NFAT5: variants seen among roughly 807,000 people sequenced by gnomAD.
NFAT5 encodes the protein nuclear factor of activated T-cells 5.
NFAT5 carries 31 observed loss-of-function variants against 166.5 expected under a neutral mutation model. The ratio of observed to expected loss-of-function variants is 0.19; its 90% CI spans 0.14 to 0.25. NFAT5 has a LOEUF of 0.25. Among genes scored for constraint, NFAT5 ranks in the 10% least tolerant of loss-of-function variants. The probability of loss-of-function intolerance (pLI) is 1.00; values close to 1 mark genes in which losing one functional copy is unlikely to be tolerated. For missense variants in NFAT5, 1,449 were observed against 1,821.8 expected, an observed-to-expected ratio of 0.80 and a Z score of 3.72; for synonymous variants, 612 against 639.7, an observed-to-expected ratio of 0.96 and a Z score of 0.65.
At chr16:69,574,041 C>G (rs1206113967) in intron 2 of NFAT5, among the ~76,000 whole-genome samples, 1 of 151,874 alleles carries the variant, frequency 6.6e-6, no homozygotes, top group Admixed American at 6.6e-5. Flanking sequence ...CTGGCTAATA[C>G]TGTATTTTTA....
chr16:69,573,904 G>A (rs988471476), intron 2 of NFAT5, among the ~76,000 whole-genome samples: 6 of 129,154 alleles, frequency 4.6e-5, no homozygotes, highest in Admixed American at 1.8e-4. Flanking sequence ...ATAGAGTTTC[G>A]CTCTTGTTGC....
chr16:69,688,474 C>T (rs1167689036), intron 11 of NFAT5, among the ~76,000 whole-genome samples: 1 of 152,054 alleles, frequency 6.6e-6, no homozygotes, highest in Non-Finnish European at 1.5e-5. Context: ...CCTCTGCCTC[C>T]TGGGTTCCAG....
At chr16:69,649,978 G>A (rs77862198) in intron 4 of NFAT5, among the ~76,000 whole-genome samples, 2 of 151,148 alleles carry the variant, frequency 1.3e-5, no homozygotes, top group Non-Finnish European at 3.0e-5. Flanking sequence ...AAAAAAAAAA[G>A]CTTAGTATTT....
chr16:69,640,438 C>T (rs1018756515), intron 3 of NFAT5, among the ~76,000 whole-genome samples: 12 of 152,148 alleles, frequency 7.9e-5, no homozygotes, highest in Non-Finnish European at 1.2e-4. Context: ...TGAAGGTTGG[C>T]ATGTAAGGTG....
intron 3 of NFAT5, among the ~76,000 whole-genome samples, chr16:69,646,258 C>T (rs1372479336): frequency 6.6e-6 from 1 of 152,136 alleles, no homozygotes; most frequent in Non-Finnish European, 1.5e-5. Context: ...TATTTTAGAG[C>T]TTATGGTTTT....
chr16:69,628,323 AAAG>A (rs1316260293), intron 3 of NFAT5, among the ~76,000 whole-genome samples: 1 of 152,112 alleles, frequency 6.6e-6, no homozygotes, highest in Admixed American at 6.5e-5. Context: ...AATCTAATTA[AAAG>A]AAGTATTTTG....
intron 6 of NFAT5, among the ~76,000 whole-genome samples, chr16:69,658,937 A>G (rs995776357): frequency 4.6e-5 from 7 of 152,154 alleles, no homozygotes; most frequent in Admixed American, 6.5e-5. Flanking sequence ...TACTGTACCC[A>G]CTGTTTTGTA....
At chr16:69,662,850 G>A (rs986188027) in intron 7 of NFAT5, among the ~76,000 whole-genome samples, 1 of 152,044 alleles carries the variant, frequency 6.6e-6, no homozygotes, top group Non-Finnish European at 1.5e-5. Context: ...GCTTGAACTT[G>A]CGACTTTGAG....
intron 7 of NFAT5, among the ~76,000 whole-genome samples, chr16:69,667,954 G>GT (rs1173087161): frequency 2.6e-5 from 4 of 151,738 alleles, no homozygotes; most frequent in Admixed American, 1.3e-4. Flanking sequence ...CTTATTTTTT[G>GT]TTTTTTTGTT....
At chr16:69,677,035 C>A in intron 9 of NFAT5, 168 bp from the exon 10 acceptor site, 1 of 584,656 alleles carries the variant, frequency 1.7e-6, no homozygotes, top group Non-Finnish European at 2.8e-6. Context: ...ACCTTAAAAG[C>A]AGTGTTAAGA....
intron 2 of NFAT5, among the ~76,000 whole-genome samples, chr16:69,600,145 T>A (rs1221961779): frequency 7.2e-6 from 1 of 137,996 alleles, no homozygotes; most frequent in Non-Finnish European, 1.5e-5. Context: ...GATTCATTTC[T>A]CTGGGAAAAA....
At chr16:69,623,016 A>T (rs2034274349) in intron 2 of NFAT5, among the ~76,000 whole-genome samples, 3 of 152,102 alleles carry the variant, frequency 2.0e-5, no homozygotes, top group African/African-American at 7.2e-5. Context: ...ATAGTGGTGT[A>T]TGCCTATAAT....
chr16:69,619,588 C>T (rs2034111503), intron 2 of NFAT5, among the ~76,000 whole-genome samples: 1 of 152,098 alleles, frequency 6.6e-6, no homozygotes, highest in Admixed American at 6.5e-5. Context: ...TATACTGAGC[C>T]TGGCCCTGCA....
At chr16:69,663,427 A>G (rs1408827823) in intron 7 of NFAT5, among the ~76,000 whole-genome samples, 3 of 152,036 alleles carry the variant, frequency 2.0e-5, no homozygotes, top group African/African-American at 7.2e-5. Flanking sequence ...TTGTTATGTT[A>G]TATCAAATTA....
At chr16:69,575,509 A>G (rs2016696045) in intron 2 of NFAT5, among the ~76,000 whole-genome samples, 1 of 152,070 alleles carries the variant, frequency 6.6e-6, no homozygotes, top group Non-Finnish European at 1.5e-5. Context: ...CAGGAGGCTG[A>G]GGTGGGAGGA....
Position 69,691,993 on chromosome 16 carries a change from T to C in NFAT5, c.2168T>C (p.Leu723Ser). 1 of 1,614,202 alleles carries C rather than the reference T, an allele frequency of 6.2e-7. No homozygotes were observed. The highest frequency in any genetic ancestry group is 8.5e-7 in the Non-Finnish European group (1 of 1,180,040). The change falls in exon 13 of 15, where the codon TTG (leucine) becomes TCG (serine). Residue 723 changes from leucine to serine, a missense_variant. Coordinates refer to ENST00000349945, the MANE Select transcript of NFAT5 (RefSeq NM_138713.4). ...SSQLPNSDALLQQATQFQTRE... is the reference protein window; with the variant it reads ...SSQLPNSDALSQQATQFQTRE... ...CAGCTGCCCAACAGCGATGCACTATTGCAGCAGGCTACACAGTTTCAGACA... is the reference window on the plus strand; with the variant it reads ...CAGCTGCCCAACAGCGATGCACTATCGCAGCAGGCTACACAGTTTCAGACA...
chr16:69,604,121 T>TTC (rs1013336436), intron 2 of NFAT5, among the ~76,000 whole-genome samples: 1 of 152,120 alleles, frequency 6.6e-6, no homozygotes, highest in African/African-American at 2.4e-5. Context: ...GAAAACAGAC[T>TTC]AAAAGTAACT....
At position 69,689,505 on chromosome 16, in the gene NFAT5, A is replaced by G. The variant is rs182845034; in HGVS notation, c.1775-1435A>G. On this transcript the variant is annotated intron_variant, in intron 11 of 14. Coordinates refer to ENST00000349945, the MANE Select transcript of NFAT5 (RefSeq NM_138713.4). ...GCCAAATGGCTGTGAGGCAAGTTGA[A>G]GTAAGACAAGAAAATTGCAAATATT... is the stretch of plus-strand genomic sequence containing the variant. Among the ~76,000 whole-genome samples, 285 of 152,358 alleles carry G rather than the reference A, an allele frequency of 1.9e-3. 3 individuals carry two copies. Among genetic ancestry groups the G allele is most frequent in the African/African-American group, 6.4e-3 (268 of 41,584 alleles).
chr16:69,587,955 T>TC (rs1213901035), intron 2 of NFAT5, among the ~76,000 whole-genome samples: 3 of 140,504 alleles, frequency 2.1e-5, no homozygotes, highest in African/African-American at 7.9e-5. Flanking sequence ...TTTTTTTTTT[T>TC]TTTTTTTTTT....
Sources: allele counts gnomAD v4.1 joint callset (sites outside exome capture counted in the v4.1 genomes callset), GRCh38; gene constraint gnomAD v4.1.1; transcripts MANE v1.5; gene names NCBI Gene and HGNC (gene_info 2026-07-23, HGNC 2026-07-21).